SYNJ2: variants seen among roughly 807,000 people sequenced by gnomAD.
SYNJ2 encodes the protein synaptojanin 2.
Under a neutral mutation model 141.3 loss-of-function variants are expected in SYNJ2, and 116 were observed. The observed-to-expected ratio is 0.82, with a 90% CI of 0.71 to 0.96. The LOEUF (loss-of-function observed/expected upper bound fraction) is 0.96. Among genes scored for constraint, SYNJ2 ranks in the 40% least tolerant of loss-of-function variants. SYNJ2 has a pLI of 0.00. For synonymous variants in SYNJ2, 745 were observed against 777.7 expected, an observed-to-expected ratio of 0.96 and a Z score of 0.70; for missense variants, 1,873 against 1,934.8, an observed-to-expected ratio of 0.97 and a Z score of 0.60.
chr6:158,079,649 C>T (rs541000148), intron 18 of SYNJ2, among the ~76,000 whole-genome samples: 3 of 152,224 alleles, frequency 2.0e-5, no homozygotes, highest in African/African-American at 7.2e-5. Context: ...GGGATTACAG[C>T]CACCATGCCC....
At chr6:158,080,200 G>A (rs1301357093) in intron 18 of SYNJ2, among the ~76,000 whole-genome samples, 1 of 152,146 alleles carries the variant, frequency 6.6e-6, no homozygotes, top group African/African-American at 2.4e-5. Flanking sequence ...TTTTGGCCTG[G>A]CGCAGTGGCT....
At chr6:158,051,621 A>G (rs1220952993) in intron 5 of SYNJ2, among the ~76,000 whole-genome samples, 1 of 151,918 alleles carries the variant, frequency 6.6e-6, no homozygotes, top group Non-Finnish European at 1.5e-5. Context: ...TTAGGACCAA[A>G]AGGGATTTGG....
At chr6:158,017,135 C>G in intron 1 of SYNJ2, 69 bp from the exon 2 acceptor site, 2 of 1,552,282 alleles carry the variant, frequency 1.3e-6, no homozygotes, top group Non-Finnish European at 1.7e-6. Flanking sequence ...CTTGGCAAGC[C>G]GGGTGTGAAT....
In SYNJ2 at chr6:158,063,836, C is replaced by T. The variant is rs749702223; in HGVS notation, c.1173C>T (p.Asp391=). Residue 391 remains aspartate (D), a synonymous_variant, in exon 9 of 27, where the codon GAC becomes GAT. Coordinates refer to ENST00000355585, the MANE Select transcript of SYNJ2 (RefSeq NM_003898.4). ...TLRMNCLDCL[D]RTNTVQSFIA... ...GGATGAACTGTCTTGACTGCCTGGA[C>T]CGAACCAACACTGTGCAGAGCTTCA... The T allele has an allele frequency of 3.7e-6, 6 of 1,613,804 alleles. No individual in the cohort carries two copies. The highest frequency in any genetic ancestry group is 5.1e-6 in the Non-Finnish European group (6 of 1,179,894).
chr6:158,001,210 T>C (rs988722196), intron 1 of SYNJ2: 1 of 152,262 alleles, frequency 6.6e-6, no homozygotes, highest in African/African-American at 2.4e-5. Context: ...TTGACTGTTC[T>C]GTGAGACTTC....
intron 2 of SYNJ2, among the ~76,000 whole-genome samples, chr6:158,019,376 A>C (rs1778638722): frequency 6.6e-6 from 1 of 152,240 alleles, no homozygotes; most frequent in African/African-American, 2.4e-5. Flanking sequence ...GGGGGACAGG[A>C]AGTGCAGTAC....
chr6:158,096,198 G>A lies in SYNJ2; in HGVS notation c.4325G>A (p.Arg1442Lys), dbSNP rs1344594560. The A allele has an allele frequency of 1.2e-6, 2 of 1,614,242 alleles. No individual in the cohort carries two copies. Among genetic ancestry groups the A allele is most frequent in the South Asian group, 1.1e-5 (1 of 91,084 alleles). The change falls in exon 27 of 27, where the codon AGG becomes AAG. Residue 1442 changes from arginine to lysine, a missense_variant. Transcript: ENST00000355585. ...TCAGACCCTTTGGACTCAGGAACCA[G>A]GAGCCCCAAAAGAGATCCCATAGAC... is the stretch of plus-strand genomic sequence containing the variant. ...KSSDPLDSGT[R>K]SPKRDPIDPV...
At chr6:158,002,760 G>A (rs1777910563) in intron 1 of SYNJ2, among the ~76,000 whole-genome samples, 1 of 152,236 alleles carries the variant, frequency 6.6e-6, no homozygotes, top group Admixed American at 6.5e-5. Context: ...ACCAGGCCCA[G>A]TGAAAACACA....
chr6:158,077,000 CTT>C (rs111687160), intron 17 of SYNJ2, among the ~76,000 whole-genome samples: 6 of 144,968 alleles, frequency 4.1e-5, no homozygotes, highest in Non-Finnish European at 1.5e-5. Context: ...CTTTTCTTTT[CTT>C]TTTTTTTTTT....
Position 158,034,423 on chromosome 6 carries a change from C to T in SYNJ2, c.711+743C>T, listed in dbSNP as rs535642292. ...TTTACTGAGTGAAGGCGTGGCTGTGCGTCCCCCCTCGCTGCCGCTGCTGGG... is the reference window on the plus strand; with the variant it reads ...TTTACTGAGTGAAGGCGTGGCTGTGTGTCCCCCCTCGCTGCCGCTGCTGGG... On this transcript the variant is annotated intron_variant, in intron 4 of 26. Transcript: ENST00000355585. 6.5e-4 allele frequency among the ~76,000 whole-genome samples: 99 copies of T among 152,314 alleles called. No individual in the cohort carries two copies. The South Asian group carries it at 0.015, about 24-fold the overall frequency.
Position 158,033,491 on chromosome 6 carries a change from G to A in SYNJ2, c.522G>A (p.Gln174=). Reference sequence around the variant, plus strand: ...TGCACGTGCCCTTGAGGCAGCACCAGGTGAGCTGCTGTGACTGGCTGCTGA... The same window carrying A: ...TGCACGTGCCCTTGAGGCAGCACCAAGTGAGCTGCTGTGACTGGCTGCTGA... ...QLLHVPLRQH[Q]VSCCDWLLKI... is the part of the protein sequence containing the mutation. Residue 174 remains glutamine (Q), a synonymous_variant, in exon 4 of 27, where the codon CAG becomes CAA. Transcript: ENST00000355585. The A allele has an allele frequency of 6.2e-7, 1 of 1,614,232 alleles. No homozygotes were observed. The highest frequency in any genetic ancestry group is 8.5e-7 in the Non-Finnish European group (1 of 1,180,036).
At chr6:158,058,629 C>G (rs546417548) in intron 6 of SYNJ2, among the ~76,000 whole-genome samples, 76 of 152,292 alleles carry the variant, frequency 5.0e-4, no homozygotes, top group African/African-American at 1.7e-3. Flanking sequence ...GTGCACATTG[C>G]ATGTGTAAGA....
chr6:158,071,123 C>T lies in SYNJ2; in HGVS notation c.1941-479C>T, dbSNP rs1781893273. Among the ~76,000 whole-genome samples the T allele has an allele frequency of 6.6e-6, 1 of 152,176 alleles. No homozygotes were observed. The highest frequency in any genetic ancestry group is 2.4e-5 in the African/African-American group (1 of 41,432). On this transcript the variant is annotated intron_variant, in intron 14 of 26. Transcript: ENST00000355585. This position sits in a 1 kb window ranked among gnomAD's most constrained non-coding sequence, Gnocchi z 4.3. ...GCTTGAACCTGGGAGGCCACAGTTG[C>T]AGTGAGCTGAGATCACGCTGCTGCA...
chr6:158,005,102 C>CGG (rs1282523822), intron 1 of SYNJ2, among the ~76,000 whole-genome samples: 1 of 141,632 alleles, frequency 7.1e-6, no homozygotes, highest in Non-Finnish European at 1.5e-5. Context: ...TTTTTTGAGA[C>CGG]AGTCTTGCTC....
At chr6:157,981,669 G>A (rs9456934), upstream of SYNJ2, among the ~76,000 whole-genome samples, 1 of 151,828 alleles carries the variant, frequency 6.6e-6, no homozygotes, top group African/African-American at 2.4e-5. The surrounding 1 kb of genome is among the most constrained non-coding windows in gnomAD (Gnocchi z 6.4). Context: ...TCCGCTCCAC[G>A]CCCGCCTGCG....
chr6:158,011,224 G>A (rs1778258657), intron 1 of SYNJ2, among the ~76,000 whole-genome samples: 1 of 152,132 alleles, frequency 6.6e-6, no homozygotes, highest in Non-Finnish European at 1.5e-5. Flanking sequence ...GAACGCCAAG[G>A]ACAGAACAAG....
intron 1 of SYNJ2, among the ~76,000 whole-genome samples, chr6:158,000,072 T>A (rs1212992992): frequency 5.4e-4 from 24 of 44,436 alleles, no homozygotes; most frequent in Non-Finnish European, 9.0e-4. Flanking sequence ...GGCTTTTTTT[T>A]TTTTTTTTTT....
At chr6:158,053,734 AATCCACCCAGCC>A in intron 5 of SYNJ2, among the ~76,000 whole-genome samples, 1 of 145,168 alleles carries the variant, frequency 6.9e-6, no homozygotes, top group South Asian at 2.2e-4. Flanking sequence ...TCCAGCCATC[AATCCACCCAGCC>A]ATCCACCCAT....
chr6:158,018,197 G>T (rs1473084530), intron 2 of SYNJ2, among the ~76,000 whole-genome samples: 1 of 152,196 alleles, frequency 6.6e-6, no homozygotes, highest in African/African-American at 2.4e-5. Context: ...TGAGCCGGTG[G>T]TGGCCGGCTG....
Sources: gnomAD v4.1 joint callset for allele counts (sites outside exome capture counted in the v4.1 genomes callset) on GRCh38, gnomAD v4.1.1 for gene constraint, Gnocchi (gnomAD v3.1) non-coding constraint, MANE v1.5 for transcripts, NCBI Gene and HGNC (gene_info 2026-07-23, HGNC 2026-07-21) for gene names.